PSD3: variants seen among roughly 807,000 people sequenced by gnomAD.
The protein encoded by PSD3 is PH and SEC7 domain-containing protein 3.
A neutral mutation model predicts 105.5 loss-of-function variants in PSD3; 49 were observed. The observed-to-expected ratio is 0.46, with a 90% confidence interval of 0.37 to 0.59. PSD3 has a LOEUF of 0.59. Ranked by LOEUF, PSD3 falls within the 20% of genes least tolerant of loss-of-function variation. PSD3 has a pLI of 0.00. For missense variants in PSD3, 1,561 were observed against 1,263.8 expected, an observed-to-expected ratio of 1.24 and a Z score of -3.57; for synonymous variants, 557 against 457.8, an observed-to-expected ratio of 1.22 and a Z score of -2.77.
intron 11 of PSD3, among the ~76,000 whole-genome samples, chr8:18,625,187 T>TACAC (rs3042894): frequency 0.037 from 5,593 of 149,302 alleles, 118 homozygotes; most frequent in East Asian, 0.098. Flanking sequence ...AGGTGGGGAA[T>TACAC]ACACACACAC....
intron 15 of PSD3, among the ~76,000 whole-genome samples, chr8:18,552,160 C>T (rs369402737): frequency 1.1e-4 from 16 of 152,146 alleles, no homozygotes; most frequent in African/African-American, 3.9e-4. Flanking sequence ...TTTACAATGA[C>T]CTGAAAGCCA....
At chr8:18,873,483 A>C (rs1381794266) in intron 2 of PSD3, among the ~76,000 whole-genome samples, 1 of 152,074 alleles carries the variant, frequency 6.6e-6, no homozygotes, top group Non-Finnish European at 1.5e-5. Context: ...ATAGTATACA[A>C]CATAATGTTT....
At chr8:18,857,516 A>AGC (rs1816113159) in intron 4 of PSD3, among the ~76,000 whole-genome samples, 6 of 152,186 alleles carry the variant, frequency 3.9e-5, no homozygotes, top group Admixed American at 3.9e-4. Flanking sequence ...ACTCTAACAA[A>AGC]TAGAATCTCT....
At chr8:19,039,468 A>G (rs1252998520) in intron 1 of PSD3, among the ~76,000 whole-genome samples, 1 of 152,158 alleles carries the variant, frequency 6.6e-6, no homozygotes, top group African/African-American at 2.4e-5. Context: ...TGACTCTTAG[A>G]GATGCTATGA....
intron 4 of PSD3, among the ~76,000 whole-genome samples, chr8:18,855,398 T>C (rs1000449792): frequency 6.6e-6 from 1 of 152,142 alleles, no homozygotes; most frequent in Non-Finnish European, 1.5e-5. Context: ...TGACATAATA[T>C]GACAGTCAAA....
chr8:19,082,191 C>T (rs893042503), intron 1 of PSD3, among the ~76,000 whole-genome samples: 9 of 152,108 alleles, frequency 5.9e-5, no homozygotes, highest in Non-Finnish European at 1.3e-4. Flanking sequence ...GGCAGGGGTT[C>T]CCTGGTTAGT....
chr8:18,830,925 C>A (rs185173148), intron 4 of PSD3, among the ~76,000 whole-genome samples: 1 of 152,328 alleles, frequency 6.6e-6, no homozygotes, highest in Admixed American at 6.5e-5. Flanking sequence ...GGGGAAGGAG[C>A]TTCCCTGAAA....
intron 8 of PSD3, among the ~76,000 whole-genome samples, chr8:18,790,669 T>C (rs1407064529): frequency 1.3e-5 from 2 of 152,066 alleles, no homozygotes; most frequent in Non-Finnish European, 2.9e-5. Context: ...TATATCCTTA[T>C]TGTGGAGACA....
chr8:18,604,816 C>T (rs1804697874), intron 11 of PSD3, among the ~76,000 whole-genome samples: 1 of 152,226 alleles, frequency 6.6e-6, no homozygotes, highest in Non-Finnish European at 1.5e-5. Context: ...GGCCTGGGTA[C>T]AGCTTGGGCT....
At chr8:18,916,760 G>A (rs1820636290) in intron 2 of PSD3, among the ~76,000 whole-genome samples, 1 of 151,668 alleles carries the variant, frequency 6.6e-6, no homozygotes, top group Non-Finnish European at 1.5e-5. Flanking sequence ...AAGTATGTAA[G>A]GTAAAGAATA....
At chr8:19,084,141 A>AGG (rs1263892029) in intron 1 of PSD3, 3 of 383,962 alleles carry the variant, frequency 7.8e-6, no homozygotes, top group Non-Finnish European at 1.6e-5. Context: ...ATTGGAGGCC[A>AGG]GGGTGGCACG....
At chr8:18,876,412 G>T (rs957091651) in intron 2 of PSD3, among the ~76,000 whole-genome samples, 1 of 151,754 alleles carries the variant, frequency 6.6e-6, no homozygotes, top group African/African-American at 2.4e-5. Context: ...TTTGAGACAG[G>T]GTCTCACTCT....
intron 1 of PSD3, among the ~76,000 whole-genome samples, chr8:18,960,223 T>G (rs975395132): frequency 2.0e-5 from 3 of 152,214 alleles, no homozygotes; most frequent in African/African-American, 7.2e-5. Flanking sequence ...TGCTCAACTA[T>G]ATGAATTTTG....
chr8:18,685,543 A>G (rs555195521), intron 9 of PSD3, among the ~76,000 whole-genome samples: 3 of 152,142 alleles, frequency 2.0e-5, no homozygotes, highest in African/African-American at 7.2e-5. Flanking sequence ...TTATTTTTGG[A>G]ATAGGTTTTG....
At chr8:18,552,501 G>A (rs1383451260) in intron 15 of PSD3, among the ~76,000 whole-genome samples, 1 of 152,160 alleles carries the variant, frequency 6.6e-6, no homozygotes, top group East Asian at 1.9e-4. Context: ...GGGCCCAGGT[G>A]TTTTCCAGAA....
intron 9 of PSD3, among the ~76,000 whole-genome samples, chr8:18,666,298 G>A (rs375823081): frequency 8.5e-5 from 13 of 152,186 alleles, no homozygotes; most frequent in African/African-American, 2.4e-4. Flanking sequence ...TGATCCGCCC[G>A]CTTTGGCATC....
rs895989312 is a variant in PSD3, at chr8:19,084,150, C to T, written c.324+56G>A. On this transcript the variant is annotated intron_variant, in intron 1 of 1. Transcript: ENST00000521475. ...CCAGAAATTGGAGGCCAGGGTGGCACGTCTGTCCCCTGGCTCCCTTTCTTC... is the reference window on the plus strand; with the variant it reads ...CCAGAAATTGGAGGCCAGGGTGGCATGTCTGTCCCCTGGCTCCCTTTCTTC... 41 of 396,234 alleles carry T rather than the reference C, an allele frequency of 1.0e-4. 2 individuals carry two copies. The highest frequency in any genetic ancestry group is 9.4e-4 in the East Asian group (13 of 13,856). 24.5% of individuals were successfully genotyped at this position (396,234 alleles called of 1,614,324 possible).
chr8:18,898,172 A>G (rs2129460353), intron 2 of PSD3, among the ~76,000 whole-genome samples: 1 of 152,290 alleles, frequency 6.6e-6, no homozygotes, highest in South Asian at 2.1e-4. Context: ...TGTTTTCTGT[A>G]TAGATGATCT....
chr8:18,658,774 G>A (rs185357244), intron 9 of PSD3, among the ~76,000 whole-genome samples: 1 of 151,660 alleles, frequency 6.6e-6, no homozygotes, highest in East Asian at 1.9e-4. Flanking sequence ...ACTACCTTAA[G>A]GGTAAGGAGG....
Sources: gnomAD v4.1 joint callset for allele counts (sites outside exome capture counted in the v4.1 genomes callset) on GRCh38, gnomAD v4.1.1 for gene constraint, MANE v1.5 for transcripts, NCBI Gene and HGNC (gene_info 2026-07-23, HGNC 2026-07-21) for gene names.